The following ADGRB1 variants were observed in gnomAD, a reference collection of about 807,000 sequenced individuals.
The protein encoded by ADGRB1 is adhesion G protein-coupled receptor B1, also known as brain-specific angiogenesis inhibitor 1.
Under a neutral mutation model 175.7 loss-of-function variants are expected in ADGRB1, and 36 were observed. That is an observed-to-expected ratio of 0.20 (90% CI 0.16 to 0.27). The LOEUF (loss-of-function observed/expected upper bound fraction) is 0.27, where lower values mean the gene tolerates loss of function less well. Among genes scored for constraint, ADGRB1 ranks in the 10% least tolerant of loss-of-function variants. ADGRB1 has a pLI of 1.00. For synonymous variants in ADGRB1, 1,054 were observed against 979.4 expected, an observed-to-expected ratio of 1.08 and a Z score of -1.42; for missense variants, 1,731 against 2,255.3, an observed-to-expected ratio of 0.77 and a Z score of 4.71.
intron 2 of ADGRB1, among the ~76,000 whole-genome samples, chr8:142,469,379 G>C (rs1274753232): frequency 6.6e-6 from 1 of 151,654 alleles, no homozygotes; most frequent in African/African-American, 2.4e-5. Context: ...GTGTGTGAAT[G>C]TGGGAGTGTG....
intron 13 of ADGRB1, among the ~76,000 whole-genome samples, chr8:142,486,274 T>G (rs1426219393): frequency 1.3e-5 from 2 of 152,168 alleles, no homozygotes; most frequent in Admixed American, 1.3e-4. Context: ...CATCTGTTTA[T>G]GCAAACCAGA....
rs1196865076 is a variant in ADGRB1, at chr8:142,484,576, A to T, written c.2200-80A>T. The T allele has an allele frequency of 4.4e-6, 6 of 1,354,082 alleles. No homozygotes were observed. In the African/African-American group the frequency reaches 8.7e-5, roughly 20 times the overall value. 83.9% of individuals were successfully genotyped at this position (1,354,082 alleles called of 1,614,324 possible). A position where few individuals can be genotyped will look rare whatever the true frequency, so the allele number is the denominator to read the frequency against. ...TTAGGAAATGGCCAATAAGAAAAGG[A>T]GGGACAGGGAAGGGAAGGAGGCAGG... On this transcript the variant is annotated intron_variant, in intron 12 of 30. Coordinates refer to ENST00000517894, the MANE Select transcript of ADGRB1 (RefSeq NM_001702.3).
At chr8:142,502,239 ATGG>A (rs1196446767) in intron 17 of ADGRB1, among the ~76,000 whole-genome samples, 2 of 55,234 alleles carry the variant, frequency 3.6e-5, no homozygotes, top group African/African-American at 6.5e-5. Context: ...GGTGATGGTG[ATGG>A]TGGTGGTGCT....
chr8:142,538,895 G>A (rs940105219), intron 26 of ADGRB1, among the ~76,000 whole-genome samples: 2 of 152,186 alleles, frequency 1.3e-5, no homozygotes, highest in African/African-American at 2.4e-5. Context: ...CTGAGGCCTG[G>A]GGGGAGAGAT....
At chr8:142,489,727 G>A (rs1563706139) in intron 16 of ADGRB1, among the ~76,000 whole-genome samples, 1 of 152,192 alleles carries the variant, frequency 6.6e-6, no homozygotes, top group Non-Finnish European at 1.5e-5. Flanking sequence ...TTCCGCTTCT[G>A]AGAAGTGGAG....
At chr8:142,479,907 G>A (rs1841237570) in intron 9 of ADGRB1, 113 bp downstream of exon 9, 2 of 1,188,494 alleles carry the variant, frequency 1.7e-6, no homozygotes. Flanking sequence ...AGCCCAGACA[G>A]CCTGCGTGTG....
At position 142,491,736 on chromosome 8, in the gene ADGRB1, TC is replaced by T. The variant is rs1397614568; in HGVS notation, c.2675+924del. The stretch of plus-strand genomic sequence containing the variant: ...GCTCTGACATCACCAGCCTCAGGCC[TC>T]CCTGCACCCCTTTCCCGGGCCGAGT... On this transcript the variant is annotated intron_variant, in intron 17 of 30. Transcript: ENST00000517894. Among the ~76,000 whole-genome samples, 3 of 152,260 alleles carry T rather than the reference TC, an allele frequency of 2.0e-5. No individual in the cohort carries two copies. In the East Asian group the frequency reaches 5.8e-4, roughly 30 times the overall value.
intron 22 of ADGRB1, among the ~76,000 whole-genome samples, chr8:142,522,991 C>T (rs1053808065): frequency 3.9e-5 from 6 of 152,270 alleles, no homozygotes; most frequent in Admixed American, 3.3e-4. Flanking sequence ...CCATTAGTCA[C>T]TCTGAGCCTC....
At chr8:142,470,115 A>G (rs1328399425) in intron 2 of ADGRB1, among the ~76,000 whole-genome samples, 1 of 151,186 alleles carries the variant, frequency 6.6e-6, no homozygotes, top group African/African-American at 2.4e-5. Flanking sequence ...CTCTGCAAAC[A>G]CTCCTCAGGC....
At chr8:142,476,202 T>C (rs192622706) in intron 3 of ADGRB1, among the ~76,000 whole-genome samples, 11 of 152,338 alleles carry the variant, frequency 7.2e-5, no homozygotes, top group Admixed American at 4.6e-4. Context: ...GGCTGTTTTT[T>C]CCTTGGTGAA....
At chr8:142,459,144 C>G (rs537304761) in intron 1 of ADGRB1, among the ~76,000 whole-genome samples, 1 of 152,210 alleles carries the variant, frequency 6.6e-6, no homozygotes, top group Non-Finnish European at 1.5e-5. Flanking sequence ...GGGGTCAGCC[C>G]GGCCTCAACC....
chr8:142,539,180 A>G (rs1845115479), intron 26 of ADGRB1, among the ~76,000 whole-genome samples, 194 bp from the exon 27 acceptor site: 1 of 152,110 alleles, frequency 6.6e-6, no homozygotes, highest in African/African-American at 2.4e-5. Context: ...ATCCACCCAG[A>G]GACACAAACG....
Position 142,537,769 on chromosome 8 carries a change from C to A in ADGRB1, c.3666+687C>A, listed in dbSNP as rs960650237. 2.6e-5 allele frequency among the ~76,000 whole-genome samples: 4 copies of A among 152,156 alleles called. No individual in the cohort carries two copies. The highest frequency in any genetic ancestry group is 5.9e-5 in the Non-Finnish European group (4 of 68,012). ...ACGCACAGGTCCTGGGAGGGCGGCC[C>A]AAGTGGCGGTTCCTACGTAAGGGCC... On this transcript the variant is annotated intron_variant, in intron 26 of 30. Transcript: ENST00000517894. The surrounding 1 kb of genome is among the most constrained non-coding windows in gnomAD (Gnocchi z 4.6).
At chr8:142,523,864 C>T (rs1844017370) in intron 22 of ADGRB1, among the ~76,000 whole-genome samples, 1 of 152,042 alleles carries the variant, frequency 6.6e-6, no homozygotes, top group Admixed American at 6.5e-5. Flanking sequence ...ATTCAAGCAT[C>T]GCGTCAGGAA....
Position 142,481,662 on chromosome 8 carries a change from C to T in ADGRB1, c.2081C>T (p.Thr694Ile). Residue 694 changes from threonine (T) to isoleucine (I), a missense_variant, in exon 11 of 31, where the codon ACA becomes ATA. By Grantham distance (89) the Thr-to-Ile change is moderately conservative. Around this residue, in one of 8 missense-constraint regions of ADGRB1, gnomAD observed 388 missense variants for 630.9 expected, o/e 0.61. Coordinates refer to ENST00000517894, the MANE Select transcript of ADGRB1 (RefSeq NM_001702.3). ...LSTIDVLRNM[T>I]EIFRRAYYSP... ...ACCATCGATGTCCTGAGGAACATGACAGAGATTTTCCGGAGAGCGTACTAC... is the reference window on the plus strand; with the variant it reads ...ACCATCGATGTCCTGAGGAACATGATAGAGATTTTCCGGAGAGCGTACTAC... 6.2e-7 allele frequency: 1 copy of T among 1,606,118 alleles called. No homozygotes were observed. Among genetic ancestry groups the T allele is most frequent in the Non-Finnish European group, 8.5e-7 (1 of 1,175,386 alleles).
rs1429717738 is a variant in ADGRB1, at chr8:142,474,951, G to A, written c.785-523G>A. 6.6e-6 allele frequency among the ~76,000 whole-genome samples: 1 copy of A among 152,164 alleles called. No individual in the cohort carries two copies. Among genetic ancestry groups the A allele is most frequent in the Non-Finnish European group, 1.5e-5 (1 of 68,018 alleles). On this transcript the variant is annotated intron_variant, in intron 2 of 30. Coordinates refer to ENST00000517894, the MANE Select transcript of ADGRB1 (RefSeq NM_001702.3). This position sits in a 1 kb window ranked among gnomAD's most constrained non-coding sequence, Gnocchi z 5.8. Reference sequence around the variant, plus strand: ...TTGATCACCACTGGTATACCTGCGTGGGGTGAAGAAGCGGCTCCAGGTCAC... The same window carrying A: ...TTGATCACCACTGGTATACCTGCGTAGGGTGAAGAAGCGGCTCCAGGTCAC...
At position 142,542,724 on chromosome 8, in the gene ADGRB1, G is replaced by T; in HGVS notation, c.4413+77G>T. On this transcript the variant is annotated intron_variant, in intron 28 of 30. Coordinates refer to ENST00000517894, the MANE Select transcript of ADGRB1 (RefSeq NM_001702.3). This position sits in a 1 kb window ranked among gnomAD's most constrained non-coding sequence, Gnocchi z 6.3. The stretch of plus-strand genomic sequence containing the variant: ...GCAGCTGGGTCACCCCTGCTGGGTG[G>T]GACCCCCACGCCGTCAGCGGGGCGG... 7.6e-7 allele frequency: 1 copy of T among 1,321,516 alleles called. No individual in the cohort carries two copies. The highest frequency in any genetic ancestry group is 1.0e-6 in the Non-Finnish European group (1 of 981,636). The allele number at this position is 1,321,516 out of a possible 1,614,324, so 81.9% of individuals were successfully genotyped here.
intron 2 of ADGRB1, among the ~76,000 whole-genome samples, chr8:142,473,943 A>C (rs1288710681): frequency 6.6e-6 from 1 of 152,188 alleles, no homozygotes; most frequent in Non-Finnish European, 1.5e-5. Context: ...CTGAAAATCA[A>C]AGTGGGGCCC....
chr8:142,520,868 G>C lies in ADGRB1; in HGVS notation c.2967G>C (p.Leu989=). ...ERSVILINFC[L]SIISSNALIL... The stretch of plus-strand genomic sequence containing the variant: ...CTGTCATCCTCATCAACTTCTGCCT[G>C]TCCATCATCTCCTCCAATGCCCTCA... Residue 989 remains leucine, a synonymous_variant, in exon 20 of 31, where the codon CTG becomes CTC. Coordinates refer to ENST00000517894, the MANE Select transcript of ADGRB1 (RefSeq NM_001702.3). 6.2e-7 allele frequency: 1 copy of C among 1,613,732 alleles called. No homozygotes were observed. Among genetic ancestry groups the C allele is most frequent in the Non-Finnish European group, 8.5e-7 (1 of 1,179,756 alleles).
Sources: gnomAD v4.1 joint callset for allele counts (sites outside exome capture counted in the v4.1 genomes callset) on GRCh38, gnomAD v4.1.1 for gene constraint, gnomAD v4.1.1 regional missense constraint, Gnocchi (gnomAD v3.1) non-coding constraint, MANE v1.5 for transcripts, NCBI Gene and HGNC (gene_info 2026-07-23, HGNC 2026-07-21) for gene names.